The following CDKAL1 variants were observed in gnomAD, a reference collection of about 807,000 sequenced individuals.
The protein encoded by CDKAL1 is threonylcarbamoyladenosine tRNA methylthiotransferase.
A neutral mutation model predicts 68.2 loss-of-function variants in CDKAL1; 32 were observed. That is an observed-to-expected ratio of 0.47 (90% CI 0.35 to 0.63). CDKAL1 has a LOEUF of 0.63. Among genes scored for constraint, CDKAL1 ranks in the 30% least tolerant of loss-of-function variants. The pLI is 0.00. For missense variants in CDKAL1, 606 were observed against 696.7 expected (o/e 0.87, Z 1.47); for synonymous variants, 234 against 244.3 (o/e 0.96, Z 0.39).
At chr6:20,582,535 C>T (rs1283633110) in intron 4 of CDKAL1, among the ~76,000 whole-genome samples, 5 of 152,056 alleles carry the variant, frequency 3.3e-5, no homozygotes, top group African/African-American at 1.2e-4. Flanking sequence ...CTCTCTAGAA[C>T]CTCTTTTTGA....
At chr6:20,866,922 A>G (rs1759938593) in intron 9 of CDKAL1, among the ~76,000 whole-genome samples, 1 of 152,208 alleles carries the variant, frequency 6.6e-6, no homozygotes, top group South Asian at 2.1e-4. Context: ...TTGTCTTTTT[A>G]TATAAAATAT....
At chr6:21,157,320 C>T (rs1776694374) in intron 13 of CDKAL1, among the ~76,000 whole-genome samples, 1 of 152,206 alleles carries the variant, frequency 6.6e-6, no homozygotes, top group Admixed American at 6.5e-5. Context: ...TGTCTTTTCT[C>T]AGCCAGACAC....
intron 9 of CDKAL1, among the ~76,000 whole-genome samples, chr6:20,859,121 A>G (rs1437695430): frequency 6.6e-6 from 1 of 152,066 alleles, no homozygotes; most frequent in African/African-American, 2.4e-5. Flanking sequence ...AAATTTGACT[A>G]TTTGAAACAT....
At chr6:20,542,860 G>A (rs957092590) in intron 2 of CDKAL1, among the ~76,000 whole-genome samples, 1 of 151,970 alleles carries the variant, frequency 6.6e-6, no homozygotes, top group African/African-American at 2.4e-5. Context: ...CTACTATTCT[G>A]TTCTCCATTT....
At chr6:20,815,617 T>TA (rs36037446) in intron 8 of CDKAL1, among the ~76,000 whole-genome samples, 19 of 151,264 alleles carry the variant, frequency 1.3e-4, no homozygotes, top group Non-Finnish European at 2.2e-4. Context: ...TGACTACACT[T>TA]AAAAAAAAAT....
At chr6:20,711,148 G>C (rs1771825751) in intron 5 of CDKAL1, among the ~76,000 whole-genome samples, 1 of 152,160 alleles carries the variant, frequency 6.6e-6, no homozygotes, top group South Asian at 2.1e-4. Context: ...GCAAATAAAA[G>C]TTGTGAGATA....
chr6:20,930,747 T>G (rs1581852560), intron 9 of CDKAL1, among the ~76,000 whole-genome samples: 1 of 6,440 alleles, frequency 1.6e-4, no homozygotes, highest in African/African-American at 4.4e-4. Context: ...ATTATGTGTA[T>G]TTTTTTTTTT....
chr6:20,573,418 A>G (rs1047183568), intron 4 of CDKAL1, among the ~76,000 whole-genome samples: 3 of 152,056 alleles, frequency 2.0e-5, no homozygotes, highest in Non-Finnish European at 4.4e-5. Flanking sequence ...GGAGTTTTTT[A>G]TGCTCCAAAA....
At position 21,088,713 on chromosome 6, in the gene CDKAL1, G is replaced by C. The variant is rs146331018; in HGVS notation, c.1237-19688G>C. On this transcript the variant is annotated intron_variant, in intron 12 of 15. Transcript: ENST00000274695. ...TCCCAGCACTTTGGGAGGCTGAGGA[G>C]GGTGGATCATTTGAGGTCAGGAGTT... Among the ~76,000 whole-genome samples, 667 of 152,244 alleles carry C rather than the reference G, an allele frequency of 4.4e-3. 5 individuals carry two copies. Among genetic ancestry groups the C allele is most frequent in the African/African-American group, 0.015 (641 of 41,540 alleles).
At chr6:20,596,779 C>T (rs990021990) in intron 4 of CDKAL1, among the ~76,000 whole-genome samples, 2 of 152,174 alleles carry the variant, frequency 1.3e-5, no homozygotes, top group Non-Finnish European at 2.9e-5. Flanking sequence ...AACCCAGGGC[C>T]CTGGTGGTGT....
intron 10 of CDKAL1, among the ~76,000 whole-genome samples, chr6:20,956,049 A>T (rs997079273): frequency 1.3e-5 from 2 of 152,272 alleles, no homozygotes; most frequent in Middle Eastern, 3.4e-3. Flanking sequence ...TCATCTGGAG[A>T]TACATAGGGG....
chr6:20,743,102 GA>G (rs1206538235), intron 6 of CDKAL1, among the ~76,000 whole-genome samples: 1 of 152,112 alleles, frequency 6.6e-6, no homozygotes, highest in Non-Finnish European at 1.5e-5. Flanking sequence ...AAACAGTTCT[GA>G]AGTCCAAAAA....
rs1293244949 is a variant in CDKAL1, at chr6:20,853,359, C to A, written c.742+7181C>A. On this transcript the variant is annotated intron_variant, in intron 9 of 15. Coordinates refer to ENST00000274695, the MANE Select transcript of CDKAL1 (RefSeq NM_017774.3). ...TCGTGCCACTGCACTCCAGCCTGGG[C>A]AACAGAGGGGATTTCGTCTCAAAAA... 6.4e-5 allele frequency among the ~76,000 whole-genome samples: 9 copies of A among 139,718 alleles called. No homozygotes were observed. The Admixed American group carries it at 6.7e-4, about 10-fold the overall frequency. 91.7% of individuals were successfully genotyped at this position (139,718 alleles called of 152,430 possible).
intron 9 of CDKAL1, among the ~76,000 whole-genome samples, chr6:20,908,166 A>G (rs1329234905): frequency 6.6e-6 from 1 of 152,214 alleles, no homozygotes; most frequent in African/African-American, 2.4e-5. Flanking sequence ...TAAATAAATC[A>G]TATAGGCTTC....
intron 8 of CDKAL1, among the ~76,000 whole-genome samples, chr6:20,801,663 C>T (rs111967343): frequency 3.3e-5 from 5 of 152,272 alleles, no homozygotes; most frequent in African/African-American, 1.2e-4. Context: ...TGAGTTTCGA[C>T]AAATGCGTAT....
intron 4 of CDKAL1, among the ~76,000 whole-genome samples, chr6:20,646,202 G>A (rs1192890547): frequency 2.0e-5 from 3 of 151,432 alleles, no homozygotes; most frequent in East Asian, 1.9e-4. Context: ...GATTACAGGC[G>A]CCTGCTACTG....
chr6:20,993,005 A>T (rs546310666), intron 10 of CDKAL1, among the ~76,000 whole-genome samples: 1 of 152,184 alleles, frequency 6.6e-6, no homozygotes, highest in African/African-American at 2.4e-5. Context: ...CACATATTAT[A>T]TGAGTCTATT....
rs750210435 is a variant in CDKAL1 at position 20,586,978 on chromosome 6, G to GTTTTTTT, written c.286+38292_286+38298dup. On this transcript the variant is annotated intron_variant, in intron 4 of 15. Coordinates refer to ENST00000274695, the MANE Select transcript of CDKAL1 (RefSeq NM_017774.3). ...TGCCTGGAATGTTCTTCCTCCAGGTGTTTTTTTTTTTTTTTTTTTTTTTTT... is the reference window on the plus strand; with the variant it reads ...TGCCTGGAATGTTCTTCCTCCAGGTGTTTTTTTTTTTTTTTTTTTTTTTTTTTTTTTT... Among the ~76,000 whole-genome samples the GTTTTTTT allele has an allele frequency of 2.1e-3, 95 of 44,440 alleles. 4 individuals are homozygous for GTTTTTTT. Among genetic ancestry groups the GTTTTTTT allele is most frequent in the African/African-American group, 6.3e-3 (66 of 10,480 alleles). The allele number at this position is 44,440 out of a possible 152,430, so 29.2% of individuals were successfully genotyped here.
At chr6:21,016,044 G>A (rs1014329347) in intron 11 of CDKAL1, among the ~76,000 whole-genome samples, 8 of 151,402 alleles carry the variant, frequency 5.3e-5, no homozygotes, top group Non-Finnish European at 1.0e-4. Context: ...AACTTTTATG[G>A]TGTAATCCCC....
Sources: allele counts gnomAD v4.1 joint callset (sites outside exome capture counted in the v4.1 genomes callset), GRCh38; gene constraint gnomAD v4.1.1; transcripts MANE v1.5; gene names NCBI Gene and HGNC (gene_info 2026-07-23, HGNC 2026-07-21).